Variants in NBEA observed in about 807,000 individuals in gnomAD.
NBEA encodes the protein lysosomal-trafficking regulator 2.
NBEA carries 44 observed loss-of-function variants against 343.4 expected under a neutral mutation model. That is an observed-to-expected ratio of 0.13 (90% CI 0.10 to 0.16). The LOEUF is 0.16. Among genes scored for constraint, NBEA ranks in the 10% least tolerant of loss-of-function variants. NBEA has a pLI of 1.00. For missense variants in NBEA, 2,555 were observed against 3,631.3 expected (o/e 0.70, Z 7.62); for synonymous variants, 1,175 against 1,238.7 (o/e 0.95, Z 1.08).
At chr13:35,640,166 G>A (rs756343505) in intron 49 of NBEA, among the ~76,000 whole-genome samples, 1 of 152,096 alleles carries the variant, frequency 6.6e-6, no homozygotes, top group Admixed American at 6.5e-5. Flanking sequence ...AAGCAAATGT[G>A]CAACACATAA....
At chr13:35,519,400 A>G (rs561668315) in intron 41 of NBEA, among the ~76,000 whole-genome samples, 2 of 152,188 alleles carry the variant, frequency 1.3e-5, no homozygotes, top group Non-Finnish European at 2.9e-5. Flanking sequence ...AGGTGGGATC[A>G]TACAAGTCCC....
At chr13:35,231,222 G>A (rs1365132303) in intron 33 of NBEA, among the ~76,000 whole-genome samples, 1 of 152,084 alleles carries the variant, frequency 6.6e-6, no homozygotes, top group East Asian at 1.9e-4. Context: ...GATACTTAGA[G>A]TGCTCAAAGA....
chr13:35,435,168 AC>A (rs2045354151), intron 39 of NBEA, among the ~76,000 whole-genome samples: 1 of 151,822 alleles, frequency 6.6e-6, no homozygotes, highest in South Asian at 2.1e-4. Flanking sequence ...CTGCCACCAC[AC>A]CCGGCTAACT....
intron 41 of NBEA, chr13:35,474,850 T>C: frequency 3.4e-6 from 2 of 582,628 alleles, no homozygotes; most frequent in Non-Finnish European, 5.9e-6. Flanking sequence ...CTAATACTAG[T>C]GGCTTTGGGT....
In NBEA at chr13:34,968,654, G is replaced by A. The variant is rs183967204; in HGVS notation, c.294+25540G>A. Among the ~76,000 whole-genome samples, 509 of 152,262 alleles carry A rather than the reference G, an allele frequency of 3.3e-3. 2 individuals carry two copies. Among genetic ancestry groups the A allele is most frequent in the African/African-American group, 0.011 (468 of 41,564 alleles). On this transcript the variant is annotated intron_variant, in intron 1 of 58. Transcript: ENST00000379939. ...AGAACTGACCTATAGGTAGTAGTTT[G>A]CAGACCCTTGCTTTAGAAAAATGTG...
chr13:35,086,175 G>A (rs371351246), intron 10 of NBEA, among the ~76,000 whole-genome samples: 48 of 151,894 alleles, frequency 3.2e-4, no homozygotes, highest in Middle Eastern at 3.4e-3. Flanking sequence ...TATAGATTCA[G>A]TGCCATCCCC....
chr13:35,581,771 A>C (rs1303011173), intron 45 of NBEA, among the ~76,000 whole-genome samples: 4 of 149,458 alleles, frequency 2.7e-5, no homozygotes, highest in Admixed American at 6.7e-5. Flanking sequence ...ATCGGGAGAT[A>C]TACCTAATGC....
intron 38 of NBEA, among the ~76,000 whole-genome samples, chr13:35,420,846 TTTTTC>T (rs2044226975): frequency 6.6e-6 from 1 of 151,784 alleles, no homozygotes; most frequent in African/African-American, 2.4e-5. Flanking sequence ...TGATATCCCC[TTTTTC>T]ATTCCTGATA....
At chr13:35,361,264 C>G (rs1228901576) in intron 38 of NBEA, among the ~76,000 whole-genome samples, 5 of 151,974 alleles carry the variant, frequency 3.3e-5, no homozygotes, top group Admixed American at 3.3e-4. Flanking sequence ...TTAAAACATT[C>G]TCAATGAAGT....
At chr13:35,340,345 T>C (rs2039518041) in intron 36 of NBEA, among the ~76,000 whole-genome samples, 1 of 152,016 alleles carries the variant, frequency 6.6e-6, no homozygotes, top group Non-Finnish European at 1.5e-5. Flanking sequence ...CTAAATAAAA[T>C]AAGCCAGTAA....
chr13:35,274,511 C>T (rs2034434370), intron 34 of NBEA, among the ~76,000 whole-genome samples: 1 of 152,112 alleles, frequency 6.6e-6, no homozygotes, highest in African/African-American at 2.4e-5. Flanking sequence ...AAGTTCTGGC[C>T]AGGGCAATCA....
At chr13:35,323,025 T>A (rs1296981389) in intron 36 of NBEA, among the ~76,000 whole-genome samples, 3 of 152,044 alleles carry the variant, frequency 2.0e-5, no homozygotes, top group Non-Finnish European at 2.9e-5. Flanking sequence ...GCATTTTGTA[T>A]TTTTTGTAGA....
rs531883073 is a variant in NBEA, at chr13:35,417,050, G to A, written c.6180-15219G>A. On this transcript the variant is annotated intron_variant, in intron 38 of 58. Transcript: ENST00000379939. ...GAGGTGTTTACAGTATTCTCTGATG[G>A]TAGTTTGTATTTCTGTGGAAACGGT... is the stretch of plus-strand genomic sequence containing the variant. Among the ~76,000 whole-genome samples the A allele has an allele frequency of 2.2e-4, 34 of 152,178 alleles. 1 individual carries two copies. The South Asian group carries it at 6.8e-3, about 31-fold the overall frequency.
chr13:35,635,688 T>C (rs1030910390), intron 49 of NBEA, among the ~76,000 whole-genome samples: 6 of 152,232 alleles, frequency 3.9e-5, no homozygotes, highest in African/African-American at 1.4e-4. Flanking sequence ...AAGGTTTTCA[T>C]TGAGAGCCAT....
rs1308463036 is a variant in NBEA at position 35,567,223 on chromosome 13, A to C, written c.7035+206A>C. 2.0e-5 allele frequency among the ~76,000 whole-genome samples: 3 copies of C among 152,346 alleles called. No individual in the cohort carries two copies. The East Asian group carries it at 5.8e-4, about 29-fold the overall frequency. On this transcript the variant is annotated intron_variant, in intron 45 of 58. Transcript: ENST00000379939. ...AACTAGTACTAGCATAGGCAAAATG[A>C]AATGGGTATTTGAGAAACAGCAGAT...
chr13:35,123,782 A>C (rs537105880), intron 17 of NBEA, among the ~76,000 whole-genome samples: 53 of 152,258 alleles, frequency 3.5e-4, no homozygotes, highest in African/African-American at 1.2e-3. Context: ...TTAAGTAATT[A>C]GTTTATTTCT....
chr13:35,655,843 T>C, intron 55 of NBEA, 94 bp downstream of exon 55: 1 of 1,222,040 alleles, frequency 8.2e-7, no homozygotes, highest in Non-Finnish European at 1.1e-6. Flanking sequence ...TCCTGAGGTG[T>C]AAGGATTTTA....
intron 10 of NBEA, among the ~76,000 whole-genome samples, chr13:35,094,454 A>G (rs1593324263): frequency 6.6e-6 from 1 of 152,052 alleles, no homozygotes; most frequent in East Asian, 1.9e-4. Context: ...TTGAGATCAC[A>G]TCTTCATGAG....
intron 40 of NBEA, among the ~76,000 whole-genome samples, chr13:35,461,398 A>C (rs772067152): frequency 1.3e-5 from 2 of 152,254 alleles, no homozygotes; most frequent in Non-Finnish European, 2.9e-5. Flanking sequence ...TTCCTCTACA[A>C]ATTTATAGTC....
Sources: gnomAD v4.1 joint callset for allele counts (sites outside exome capture counted in the v4.1 genomes callset) on GRCh38, gnomAD v4.1.1 for gene constraint, MANE v1.5 for transcripts, NCBI Gene and HGNC (gene_info 2026-07-23, HGNC 2026-07-21) for gene names.